The following BIN3 variants were observed in gnomAD, a reference collection of about 807,000 sequenced individuals.
BIN3 encodes the protein bridging integrator 3.
Under a neutral mutation model 38.2 loss-of-function variants are expected in BIN3, and 41 were observed. The ratio of observed to expected loss-of-function variants is 1.07; its 90% CI spans 0.84 to 1.39. The LOEUF is 1.39. Ranked by LOEUF, BIN3 falls within the 40% of genes most tolerant of loss-of-function variation. The pLI, the probability that BIN3 is intolerant of heterozygous loss-of-function variation, is 0.00. For synonymous variants in BIN3, 145 were observed against 122.6 expected (o/e 1.18, Z -1.21); for missense variants, 361 against 324.3 (o/e 1.11, Z -0.87).
chr8:22,626,819 T>A (rs1802021834), intron 6 of BIN3, among the ~76,000 whole-genome samples: 1 of 152,032 alleles, frequency 6.6e-6, no homozygotes, highest in African/African-American at 2.4e-5. Context: ...CCCCCCAACA[T>A]CCCCTGAGGC....
At position 22,621,576 on chromosome 8, in the gene BIN3, A is replaced by G; in HGVS notation, c.616-8T>C. 1 of 1,612,880 alleles carries G rather than the reference A, an allele frequency of 6.2e-7. No homozygotes were observed. Among genetic ancestry groups the G allele is most frequent in the Non-Finnish European group, 8.5e-7 (1 of 1,179,562 alleles). ...TTCCGAGTAGTACACAACCTGGGGG[A>G]GGCGACAGGGGTTGGCACGTGCTGG... On this transcript the variant is annotated splice_region_variant and splice_polypyrimidine_tract_variant and intron_variant, in intron 8 of 8. Coordinates refer to ENST00000276416, the MANE Select transcript of BIN3 (RefSeq NM_018688.6).
At chr8:22,632,260 C>G (rs1274709587) in intron 4 of BIN3, among the ~76,000 whole-genome samples, 1 of 152,178 alleles carries the variant, frequency 6.6e-6, no homozygotes, top group African/African-American at 2.4e-5. Context: ...ATGGCATGAA[C>G]CTGAACCCTG....
chr8:22,625,120 G>A (rs1330565591), intron 6 of BIN3: 34 of 552,662 alleles, frequency 6.2e-5, no homozygotes, highest in East Asian at 1.1e-4. Context: ...AGAAGGGACC[G>A]CGTGGGAGAC....
chr8:22,637,845 G>A (rs920501711), intron 2 of BIN3, among the ~76,000 whole-genome samples: 11 of 152,164 alleles, frequency 7.2e-5, no homozygotes, highest in Admixed American at 4.6e-4. Context: ...AGTCAAAACC[G>A]CTAACTCACA....
chr8:22,653,304 C>T (rs1802957822), intron 1 of BIN3, among the ~76,000 whole-genome samples: 2 of 152,170 alleles, frequency 1.3e-5, no homozygotes, highest in Non-Finnish European at 2.9e-5. Context: ...AATCATCACT[C>T]CTATTTAAAA....
chr8:22,624,536 C>T (rs1008078687), intron 6 of BIN3, 173 bp from the exon 7 acceptor site: 2 of 759,344 alleles, frequency 2.6e-6, no homozygotes, highest in African/African-American at 3.5e-5. Context: ...AAGCGCCAGA[C>T]CCTGCTCTAG....
At chr8:22,668,795 G>A (rs781474941) in intron 1 of BIN3, among the ~76,000 whole-genome samples, 12 of 152,200 alleles carry the variant, frequency 7.9e-5, no homozygotes, top group Non-Finnish European at 1.3e-4. Context: ...ACGCGAGTCC[G>A]GCAAAACGGG....
intron 6 of BIN3, chr8:22,625,330 C>A (rs753435141): frequency 4.3e-5 from 30 of 702,424 alleles, no homozygotes; most frequent in Non-Finnish European, 4.2e-5. Flanking sequence ...CCTGCAGTGT[C>A]CAGGATCAGG....
rs1159207142 is a variant in BIN3, at chr8:22,630,498, T to C, written c.241A>G (p.Met81Val). ...ATGGCCGTGTCCAGGGCCGTCACCA[T>C]GTTCAGAAGGTCCTGGTCTTGCTCA... ...LCEQDQDLLN[M>V]VTALDTAMKR... is the part of the protein sequence containing the mutation. The change falls in exon 5 of 9, where the codon ATG (methionine) becomes GTG (valine). Residue 81 changes from methionine (M) to valine (V), a missense_variant. Physicochemically the swap from Met to Val is conservative, Grantham distance 21. Transcript: ENST00000276416. The C allele has an allele frequency of 1.9e-6, 3 of 1,614,004 alleles. No homozygotes were observed. The highest frequency in any genetic ancestry group is 2.5e-6 in the Non-Finnish European group (3 of 1,179,866).
chr8:22,669,111 C>T lies in BIN3; in HGVS notation c.-60G>A. 1 of 1,561,796 alleles carries T rather than the reference C, an allele frequency of 6.4e-7. No homozygotes were observed. Among genetic ancestry groups the T allele is most frequent in the African/African-American group, 1.4e-5 (1 of 73,666 alleles). On this transcript the variant is annotated 5_prime_UTR_variant, in exon 1 of 9. It adds an upstream start codon to the 5' untranslated region. Coordinates refer to ENST00000276416, the MANE Select transcript of BIN3 (RefSeq NM_018688.6). ...GCCACAACTCGTTTCTCTAGGGTCA[C>T]TTCCGGATTCAACCAGTCTCCAGGA...
At chr8:22,661,752 C>G (rs1000849245) in intron 1 of BIN3, among the ~76,000 whole-genome samples, 8 of 152,146 alleles carry the variant, frequency 5.3e-5, no homozygotes, top group African/African-American at 1.9e-4. Flanking sequence ...TTTGCCCACA[C>G]TGGTACATAC....
Position 22,657,632 on chromosome 8 carries a change from G to A in BIN3, c.8+11412C>T, listed in dbSNP as rs77966296. ...CTGCCAGAGAAGTCGGCAAAAAACT[G>A]GGCAGATGCCCTGATGTAAAGATCA... On this transcript the variant is annotated intron_variant, in intron 1 of 8. Coordinates refer to ENST00000276416, the MANE Select transcript of BIN3 (RefSeq NM_018688.6). Among the ~76,000 whole-genome samples the A allele has an allele frequency of 9.3e-3, 1,414 of 152,366 alleles. 15 individuals are homozygous for A. Among genetic ancestry groups the A allele is most frequent in the African/African-American group, 0.032 (1,335 of 41,582 alleles).
intron 1 of BIN3, among the ~76,000 whole-genome samples, chr8:22,651,321 G>A (rs914270081): frequency 6.6e-5 from 10 of 152,054 alleles, no homozygotes; most frequent in Admixed American, 3.3e-4. Context: ...TGCATCTTCC[G>A]GACAGTCTGC....
chr8:22,643,523 G>A (rs1802627733), intron 2 of BIN3, among the ~76,000 whole-genome samples: 1 of 152,212 alleles, frequency 6.6e-6, no homozygotes, highest in Admixed American at 6.5e-5. Flanking sequence ...TGCCCAGGCT[G>A]GTCTCAAACT....
intron 8 of BIN3, among the ~76,000 whole-genome samples, chr8:22,621,862 G>C (rs1801833566): frequency 6.6e-6 from 1 of 152,238 alleles, no homozygotes; most frequent in Admixed American, 6.5e-5. Flanking sequence ...ACTGTGGAAT[G>C]ATGGGCACCA....
chr8:22,641,038 G>C (rs1802539810), intron 2 of BIN3, among the ~76,000 whole-genome samples: 1 of 152,168 alleles, frequency 6.6e-6, no homozygotes. Context: ...GATGCACGGG[G>C]ACACTGCCAG....
chr8:22,637,049 C>T (rs1802390229), intron 2 of BIN3, 87 bp from the exon 3 acceptor site: 1 of 1,192,946 alleles, frequency 8.4e-7, no homozygotes, highest in Non-Finnish European at 1.2e-6. Flanking sequence ...TCTCCACACC[C>T]TGCCCCAGTC....
intron 1 of BIN3, among the ~76,000 whole-genome samples, chr8:22,661,352 CTTTTTTTTTTTTT>C (rs751194383): frequency 2.4e-5 from 2 of 84,452 alleles, no homozygotes; most frequent in Non-Finnish European, 4.1e-5. Context: ...ATGTATCATT[CTTTTTTTTTTTTT>C]TTTTTTTTTT....
rs547300859 is a variant in BIN3 at position 22,620,559 on chromosome 8, A to G, written c.*863T>C. On this transcript the variant is annotated 3_prime_UTR_variant, in exon 9 of 9. Coordinates refer to ENST00000276416, the MANE Select transcript of BIN3 (RefSeq NM_018688.6). ...CAGCGCCTCTGCTGGACCACGGTGC[A>G]GTTCGCTCCAGAAGGTGGGCCAGGG... 6.6e-6 allele frequency: 1 copy of G among 151,974 alleles called. No individual in the cohort carries two copies. The highest frequency in any genetic ancestry group is 1.5e-5 in the Non-Finnish European group (1 of 67,998). 9.4% of individuals were successfully genotyped at this position (151,974 alleles called of 1,614,324 possible). A position where few individuals can be genotyped will look rare whatever the true frequency, so the allele number is the denominator to read the frequency against.
Sources: allele counts gnomAD v4.1 joint callset (sites outside exome capture counted in the v4.1 genomes callset), GRCh38; gene constraint gnomAD v4.1.1; transcripts MANE v1.5; gene names NCBI Gene and HGNC (gene_info 2026-07-23, HGNC 2026-07-21).